The following SCN4A variants were observed in gnomAD, a reference collection of about 807,000 sequenced individuals.
The protein encoded by SCN4A is sodium channel protein type 4 subunit alpha.
SCN4A carries 83 observed loss-of-function variants against 162.0 expected under a neutral mutation model. The observed-to-expected ratio is 0.51, with a 90% confidence interval of 0.43 to 0.61. The LOEUF (loss-of-function observed/expected upper bound fraction) is 0.61, where lower values mean the gene tolerates loss of function less well. SCN4A is among the 20% of genes least tolerant of loss of function. SCN4A has a pLI of 0.00. For synonymous variants in SCN4A, 944 were observed against 985.1 expected (o/e 0.96, Z 0.78); for missense variants, 2,196 against 2,462.5 (o/e 0.89, Z 2.29).
In SCN4A at chr17:63,948,693, C is replaced by A. The variant is rs770497876; in HGVS notation, c.3062G>T (p.Arg1021Leu). ...CTCGACAATCTTGAAGCAGGCCCTGCGCAGAGTCCACCACTTCTTCCCACG... is the reference window on the plus strand; with the variant it reads ...CTCGACAATCTTGAAGCAGGCCCTGAGCAGAGTCCACCACTTCTTCCCACG... The part of the protein sequence containing the change: ...QGRGKKWWTL[R>L]RACFKIVEHN... The change falls in exon 16 of 24, where the codon CGC (arginine) becomes CTC (leucine). Residue 1021 changes from arginine to leucine, a missense_variant. Transcript: ENST00000435607. 1.2e-6 allele frequency: 2 copies of A among 1,613,638 alleles called. No homozygotes were observed. Among genetic ancestry groups the A allele is most frequent in the Non-Finnish European group, 8.5e-7 (1 of 1,179,782 alleles).
chr17:63,964,396 G>C (rs1011738157), intron 9 of SCN4A, 72 bp downstream of exon 9: 16 of 1,389,942 alleles, frequency 1.2e-5, no homozygotes, highest in Non-Finnish European at 1.4e-5. Flanking sequence ...CCCCCAGGGA[G>C]AAGCCAGTGG....
intron 12 of SCN4A, among the ~76,000 whole-genome samples, 191 bp downstream of exon 12, chr17:63,959,074 A>G (rs752071491): frequency 5.9e-5 from 9 of 152,236 alleles, no homozygotes; most frequent in Non-Finnish European, 1.3e-4. Context: ...ATGAAAGAAG[A>G]CAGGGCTCTC....
rs760559722 is a variant in SCN4A at position 63,951,655 on chromosome 17, G to A, written c.2622C>T (p.Ala874=). The change falls in exon 14 of 24, where the codon GCC becomes GCT. Residue 874 remains alanine (A), a synonymous_variant. Transcript: ENST00000435607. The surrounding 1 kb of genome is among the most constrained non-coding windows in gnomAD (Gnocchi z 4.5). ...GCGGCTCCTTCTTCTCATCCTCGGG[G>A]GCAGTCTCCCCCGCCTCTCCAGCCT... The part of the protein sequence containing the change: ...AGEAGEAGET[A]PEDEKKEPPE... 1.3e-6 allele frequency: 2 copies of A among 1,599,938 alleles called. No individual in the cohort carries two copies. Among genetic ancestry groups the A allele is most frequent in the Non-Finnish European group, 1.7e-6 (2 of 1,173,038 alleles).
Position 63,945,298 on chromosome 17 carries a change from G to A in SCN4A, c.3720+62C>T. On this transcript the variant is annotated intron_variant, in intron 19 of 23. Coordinates refer to ENST00000435607, the MANE Select transcript of SCN4A (RefSeq NM_000334.4). The surrounding 1 kb of genome is among the most constrained non-coding windows in gnomAD (Gnocchi z 4.4). ...GTGACACTGGGGTTGGGTACAACGAGAGGACCGGGGTGGGGGGCACCTCCA... is the reference window on the plus strand; with the variant it reads ...GTGACACTGGGGTTGGGTACAACGAAAGGACCGGGGTGGGGGGCACCTCCA... 8.1e-7 allele frequency: 1 copy of A among 1,227,938 alleles called. No homozygotes were observed. The highest frequency in any genetic ancestry group is 1.1e-6 in the Non-Finnish European group (1 of 921,288). 76.1% of individuals were successfully genotyped at this position (1,227,938 alleles called of 1,614,324 possible).
rs977490672 is a variant in SCN4A at position 63,963,932 on chromosome 17, C to A, written c.1453-107G>T. 10 of 1,097,142 alleles carry A rather than the reference C, an allele frequency of 9.1e-6. No homozygotes were observed. In the African/African-American group the frequency reaches 1.6e-4, roughly 17 times the overall value. The allele number at this position is 1,097,142 out of a possible 1,614,324, so 68.0% of individuals were successfully genotyped here. ...AGAGTCCTTCAGGGTGGCAGCCCCTCTTCCTGGCCTGTGTCAAACTTAGTG... is the reference window on the plus strand; with the variant it reads ...AGAGTCCTTCAGGGTGGCAGCCCCTATTCCTGGCCTGTGTCAAACTTAGTG... On this transcript the variant is annotated intron_variant, in intron 9 of 23. Coordinates refer to ENST00000435607, the MANE Select transcript of SCN4A (RefSeq NM_000334.4).
At chr17:63,957,135 A>G in intron 13 of SCN4A, 27 bp downstream of exon 13, 11 of 1,469,774 alleles carry the variant, frequency 7.5e-6, no homozygotes, top group Non-Finnish European at 1.0e-5. Flanking sequence ...GGGTGAGGGC[A>G]GGGGCCACCC....
At chr17:63,949,671 C>G (rs1908845613) in intron 14 of SCN4A, 143 bp from the exon 15 acceptor site, 5 of 1,021,582 alleles carry the variant, frequency 4.9e-6, no homozygotes, top group Middle Eastern at 2.5e-4. Flanking sequence ...ATTCATCCAG[C>G]CCTGGATGGT....
intron 11 of SCN4A, among the ~76,000 whole-genome samples, chr17:63,960,398 C>T (rs766020721): frequency 2.0e-5 from 3 of 152,226 alleles, no homozygotes; most frequent in Non-Finnish European, 4.4e-5. Context: ...GGCTGGGGAG[C>T]CCAGGGTTTG....
intron 17 of SCN4A, 121 bp downstream of exon 17, chr17:63,947,769 A>C: frequency 1.1e-6 from 1 of 913,806 alleles, no homozygotes; most frequent in Non-Finnish European, 1.6e-6. Flanking sequence ...GCACTGATTG[A>C]GGGTCTGACT....
intron 16 of SCN4A, 86 bp downstream of exon 16, chr17:63,948,525 T>A: frequency 8.2e-7 from 1 of 1,214,350 alleles, no homozygotes; most frequent in Non-Finnish European, 1.2e-6. Flanking sequence ...GCATGGCCCT[T>A]CCTGTGTGTG....
intron 10 of SCN4A, 169 bp from the exon 11 acceptor site, chr17:63,961,600 T>A: frequency 1.9e-6 from 1 of 531,788 alleles, no homozygotes. Flanking sequence ...TCACCCTTAC[T>A]GTCACCTCCC....
In SCN4A at chr17:63,968,091, G is replaced by T. The variant is rs80338952; in HGVS notation, c.968C>A (p.Thr323Lys). The T allele has an allele frequency of 1.9e-6, 3 of 1,613,922 alleles. No homozygotes were observed. Among genetic ancestry groups the T allele is most frequent in the Non-Finnish European group, 2.5e-6 (3 of 1,179,884 alleles). ...YGNDSWYANDTWNSHASWATN... is the reference protein window; with the variant it reads ...YGNDSWYANDKWNSHASWATN... Reference sequence around the variant, plus strand: ...GGCCCAGCTTGCATGGCTGTTCCACGTGTCGTTGGCATACCATGAGTCATT... The same window carrying T: ...GGCCCAGCTTGCATGGCTGTTCCACTTGTCGTTGGCATACCATGAGTCATT... The change falls in exon 6 of 24, where the codon ACG becomes AAG. Residue 323 changes from threonine to lysine, a missense_variant. By Grantham distance (78) the Thr-to-Lys change is moderately conservative (BLOSUM62 -1). Transcript: ENST00000435607.
Position 63,951,828 on chromosome 17 carries a change from C to T in SCN4A, c.2449G>A (p.Gly817Ser), listed in dbSNP as rs746797094. 2 of 1,575,704 alleles carry T rather than the reference C, an allele frequency of 1.3e-6. No homozygotes were observed. The highest frequency in any genetic ancestry group is 2.3e-5 in the East Asian group (1 of 43,032). The change falls in exon 14 of 24, where the codon GGC becomes AGC. Residue 817 changes from glycine to serine, a missense_variant. Coordinates refer to ENST00000435607, the MANE Select transcript of SCN4A (RefSeq NM_000334.4). This position sits in a 1 kb window ranked among gnomAD's most constrained non-coding sequence, Gnocchi z 4.5. ...GCAATCTGCAGGTTGTTCATCTCGC[C>T]ATCCTCATCCGAGGCTGCCAGACTG... ...ADSLAASDED[G>S]EMNNLQIAIG...
At chr17:63,948,535 G>A in intron 16 of SCN4A, 76 bp downstream of exon 16, 1 of 1,318,920 alleles carries the variant, frequency 7.6e-7, no homozygotes. Context: ...TCCTGTGTGT[G>A]GAGACAGGGA....
chr17:63,943,147 G>A, intron 22 of SCN4A, 51 bp from the exon 23 acceptor site: 1 of 1,579,404 alleles, frequency 6.3e-7, no homozygotes, highest in South Asian at 1.2e-5. Context: ...GCCAGGCCCA[G>A]ACAGGACATG....
chr17:63,951,841 G>A lies in SCN4A; in HGVS notation c.2436C>T (p.Ala812=). The A allele has an allele frequency of 1.3e-6, 2 of 1,571,452 alleles. No homozygotes were observed. Among genetic ancestry groups the A allele is most frequent in the Non-Finnish European group, 1.7e-6 (2 of 1,160,824 alleles). Residue 812 remains alanine (A), a synonymous_variant, in exon 14 of 24, where the codon GCC becomes GCT. Coordinates refer to ENST00000435607, the MANE Select transcript of SCN4A (RefSeq NM_000334.4). This position sits in a 1 kb window ranked among gnomAD's most constrained non-coding sequence, Gnocchi z 4.5. The part of the protein sequence containing the change: ...LSSFSADSLA[A]SDEDGEMNNL... The stretch of plus-strand genomic sequence containing the variant: ...TGTTCATCTCGCCATCCTCATCCGA[G>A]GCTGCCAGACTGTCGGCGCTGAAGG...
At position 63,951,634 on chromosome 17, in the gene SCN4A, C is replaced by T; in HGVS notation, c.2643G>A (p.Glu881=). The T allele has an allele frequency of 6.2e-7, 1 of 1,611,886 alleles. No homozygotes were observed. The highest frequency in any genetic ancestry group is 1.1e-5 in the South Asian group (1 of 90,698). ...CCTTCTTCAGGTCCTCCTCGGGCGG[C>T]TCCTTCTTCTCATCCTCGGGGGCAG... ...GETAPEDEKK[E]PPEEDLKKDN... The change falls in exon 14 of 24, where the codon GAG becomes GAA. Residue 881 remains glutamate (E), a synonymous_variant. Transcript: ENST00000435607. This position sits in a 1 kb window ranked among gnomAD's most constrained non-coding sequence, Gnocchi z 4.5.
chr17:63,956,511 G>T (rs1193473494), intron 13 of SCN4A, among the ~76,000 whole-genome samples: 1 of 152,220 alleles, frequency 6.6e-6, no homozygotes, highest in Non-Finnish European at 1.5e-5. Flanking sequence ...GGGACTATGG[G>T]CATGAGCCAC....
chr17:63,963,250 T>C (rs973651587), intron 10 of SCN4A, among the ~76,000 whole-genome samples: 3 of 152,174 alleles, frequency 2.0e-5, no homozygotes, highest in African/African-American at 7.2e-5. Flanking sequence ...CTTTTGGCCT[T>C]TAACTTTTAC....
Sources: allele counts gnomAD v4.1 joint callset (sites outside exome capture counted in the v4.1 genomes callset), GRCh38; gene constraint gnomAD v4.1.1; non-coding constraint Gnocchi (gnomAD v3.1); transcripts MANE v1.5; gene names NCBI Gene and HGNC (gene_info 2026-07-23, HGNC 2026-07-21).